The following SEZ6L2 variants were observed in gnomAD, a reference collection of about 807,000 sequenced individuals.
SEZ6L2 encodes seizure 6-like protein 2.
SEZ6L2 carries 44 observed loss-of-function variants against 97.0 expected under a neutral mutation model. The observed-to-expected ratio is 0.45, with a 90% CI of 0.36 to 0.58. The LOEUF (loss-of-function observed/expected upper bound fraction) is 0.58, where lower values mean the gene tolerates loss of function less well. SEZ6L2 is among the 20% of genes least tolerant of loss of function. The pLI is 0.00. For missense variants in SEZ6L2, 1,086 were observed against 1,233.3 expected, an observed-to-expected ratio of 0.88 and a Z score of 1.79; for synonymous variants, 543 against 546.1, an observed-to-expected ratio of 0.99 and a Z score of 0.08.
chr16:29,885,766 C>T lies in SEZ6L2; in HGVS notation c.1209-17G>A, dbSNP rs761036462. 2 of 1,586,492 alleles carry T rather than the reference C, an allele frequency of 1.3e-6. No homozygotes were observed. The highest frequency in any genetic ancestry group is 1.7e-5 in the Admixed American group (1 of 58,566). ...ACCATCAGCCTGGGATGGACAGAAA[C>T]GTGACCAGGAGCTCAATCTCCCTCA... On this transcript the variant is annotated splice_polypyrimidine_tract_variant and intron_variant, in intron 7 of 17. Coordinates refer to ENST00000617533, the MANE Select transcript of SEZ6L2 (RefSeq NM_001243332.2).
At chr16:29,892,950 C>T (rs563365374) in intron 5 of SEZ6L2, among the ~76,000 whole-genome samples, 18 of 152,332 alleles carry the variant, frequency 1.2e-4, no homozygotes, top group Admixed American at 7.2e-4. Context: ...TGCAGTCGTG[C>T]GTGAATACAG....
At chr16:29,878,217 GC>G in intron 10 of SEZ6L2, 69 bp downstream of exon 10, 2 of 1,459,134 alleles carry the variant, frequency 1.4e-6, no homozygotes, top group Non-Finnish European at 1.8e-6. Context: ...CAGAATGCAG[GC>G]TACTGCATTG....
In SEZ6L2 at chr16:29,898,104, T is replaced by A. The variant is rs993696404; in HGVS notation, c.80-120A>T. The A allele has an allele frequency of 2.8e-5, 40 of 1,444,832 alleles. No homozygotes were observed. In the African/African-American group the frequency reaches 5.6e-4, roughly 20 times the overall value. The allele number at this position is 1,444,832 out of a possible 1,614,324, so 89.5% of individuals were successfully genotyped here. A position where few individuals can be genotyped will look rare whatever the true frequency, so the allele number is the denominator to read the frequency against. On this transcript the variant is annotated intron_variant, in intron 1 of 17. Coordinates refer to ENST00000617533, the MANE Select transcript of SEZ6L2 (RefSeq NM_001243332.2). ...GCTGGGCCTGCAGGGGCTCAGATGG[T>A]CCCAGGCTCGACTGAGGGCCAAGAT...
In SEZ6L2 at chr16:29,873,931, G is replaced by A. The variant is rs561802611; in HGVS notation, c.2105-202C>T. On this transcript the variant is annotated intron_variant, in intron 12 of 17. Transcript: ENST00000617533. This position sits in a 1 kb window ranked among gnomAD's most constrained non-coding sequence, Gnocchi z 4.3. ...CGAGGCTGCAGTGAATGGTGACCAC[G>A]CTACTGCACTCCAGCCTGGGTGACA... Among the ~76,000 whole-genome samples the A allele has an allele frequency of 5.9e-4, 90 of 152,130 alleles. No individual in the cohort carries two copies. The highest frequency in any genetic ancestry group is 4.1e-4 in the South Asian group (2 of 4,822).
rs766640905 is a variant in SEZ6L2 at position 29,895,779 on chromosome 16, C to A, written c.593G>T (p.Gly198Val). The A allele has an allele frequency of 1.9e-6, 3 of 1,613,928 alleles. No homozygotes were observed. The highest frequency in any genetic ancestry group is 2.5e-6 in the Non-Finnish European group (3 of 1,180,010). The change falls in exon 4 of 18, where the codon GGG (glycine) becomes GTG (valine). Residue 198 changes from glycine (G) to valine (V), a missense_variant. Physicochemically the swap from Gly to Val is moderately radical, Grantham distance 109. Around this residue, in one of 2 missense-constraint regions of SEZ6L2, gnomAD observed 776 missense variants for 794.7 expected, o/e 0.98. Transcript: ENST00000617533. The stretch of plus-strand genomic sequence containing the variant: ...GATGCTGTAAGTGCAGTCCAGGAGC[C>A]CCAGGGTGCGGCTGACGGGGCTCCC... ...DLGSPVSRTL[G>V]LLDCTYSIHV...
intron 10 of SEZ6L2, among the ~76,000 whole-genome samples, chr16:29,877,840 G>A (rs2067943841): frequency 6.6e-6 from 1 of 152,202 alleles, no homozygotes; most frequent in Non-Finnish European, 1.5e-5. Flanking sequence ...GGCCCCGCCT[G>A]AGTACCTGCT....
chr16:29,890,865 C>T (rs547245190), intron 5 of SEZ6L2, among the ~76,000 whole-genome samples: 111 of 150,584 alleles, frequency 7.4e-4, no homozygotes, highest in Admixed American at 3.5e-3. Context: ...TCTCCTCCCT[C>T]AGCCTCCCAA....
chr16:29,872,568 G>T, intron 15 of SEZ6L2, 42 bp from the exon 16 acceptor site: 1 of 1,605,156 alleles, frequency 6.2e-7, no homozygotes, highest in African/African-American at 1.3e-5. Flanking sequence ...GCTGGGCCCG[G>T]TCCTGGGCTC....
At chr16:29,893,417 C>T (rs928101697) in intron 5 of SEZ6L2, among the ~76,000 whole-genome samples, 10 of 151,854 alleles carry the variant, frequency 6.6e-5, no homozygotes, top group African/African-American at 1.9e-4. Flanking sequence ...GAGGCCAAGG[C>T]GGGTGGATCA....
At chr16:29,877,555 T>C (rs1319184578) in intron 10 of SEZ6L2, 88 bp from the exon 11 acceptor site, 2 of 1,210,134 alleles carry the variant, frequency 1.7e-6, no homozygotes, top group Non-Finnish European at 2.3e-6. Context: ...TGCTCATTGG[T>C]AGCCCCTCCT....
Position 29,872,226 on chromosome 16 carries a change from G to A in SEZ6L2, c.2703C>T (p.Thr901=), listed in dbSNP as rs371601463. 147 of 1,611,882 alleles carry A rather than the reference G, an allele frequency of 9.1e-5. No individual in the cohort carries two copies. Among genetic ancestry groups the A allele is most frequent in the Non-Finnish European group, 1.1e-4 (135 of 1,179,100 alleles). The change falls in exon 17 of 18, where the codon ACC becomes ACT. Residue 901 remains threonine (T), a synonymous_variant. Coordinates refer to ENST00000617533, the MANE Select transcript of SEZ6L2 (RefSeq NM_001243332.2). ...FSGSHSYSPI[T]VESDFSNPLY... is the part of the protein sequence containing the mutation. ...GCGGGTTGCTGAAGTCCGACTCCAC[G>A]GTGATGGGGCTGTAGGAGTGGGAGC...
intron 14 of SEZ6L2, 59 bp from the exon 15 acceptor site, chr16:29,872,802 A>G: frequency 7.8e-7 from 1 of 1,276,370 alleles, no homozygotes; most frequent in Non-Finnish European, 1.1e-6. Flanking sequence ...GGAGGCTGGG[A>G]GGGGCCGGGA....
Position 29,887,737 on chromosome 16 carries a change from G to C in SEZ6L2, c.1120C>G (p.Leu374Val), listed in dbSNP as rs778358722. The C allele has an allele frequency of 4.3e-6, 7 of 1,613,562 alleles. No individual in the cohort carries two copies. The highest frequency in any genetic ancestry group is 4.2e-6 in the Non-Finnish European group (5 of 1,179,722). ...PEPGGAVGPN[L>V]TCRWVIEAAE... ...GCTTCAATGACCCAACGGCAGGTGA[G>C]GTTGGGCCCTACGGCTCCCCCAGGC... is the stretch of plus-strand genomic sequence containing the variant. Residue 374 changes from leucine (L) to valine (V), a missense_variant, in exon 7 of 18, where the codon CTC becomes GTC. Transcript: ENST00000617533.
At chr16:29,891,053 G>A (rs187346901) in intron 5 of SEZ6L2, among the ~76,000 whole-genome samples, 18 of 151,694 alleles carry the variant, frequency 1.2e-4, no homozygotes, top group African/African-American at 2.7e-4. Flanking sequence ...GCAATTCTCC[G>A]GCCTCAGCCT....
intron 8 of SEZ6L2, among the ~76,000 whole-genome samples, chr16:29,882,324 C>T (rs2068047140): frequency 6.6e-6 from 1 of 151,952 alleles, no homozygotes; most frequent in Admixed American, 6.6e-5. Context: ...CACCTGTAAT[C>T]CCCCCACTTT....
Position 29,872,395 on chromosome 16 carries a change from A to G in SEZ6L2, c.2645+14T>C, listed in dbSNP as rs200534120. The G allele has an allele frequency of 1.7e-5, 28 of 1,612,942 alleles. No homozygotes were observed. In the East Asian group the frequency reaches 4.7e-4, roughly 27 times the overall value. On this transcript the variant is annotated intron_variant, in intron 16 of 17. Transcript: ENST00000617533. ...CGTCTGCCCTGGCCGGCAGTCCCCAAGCAGGCTACTTACTTGGTGTAGTAG... is the reference window on the plus strand; with the variant it reads ...CGTCTGCCCTGGCCGGCAGTCCCCAGGCAGGCTACTTACTTGGTGTAGTAG...
intron 11 of SEZ6L2, 138 bp downstream of exon 11, chr16:29,877,133 C>T (rs532846910): frequency 1.8e-6 from 2 of 1,127,424 alleles, no homozygotes; most frequent in African/African-American, 3.2e-5. Flanking sequence ...CAGCCTCAAC[C>T]TCCTGGCTTC....
rs376198309 is a variant in SEZ6L2, at chr16:29,877,323, C to A, written c.1857G>T (p.Pro619=). The part of the protein sequence containing the change: ...GPDLTLQFQA[P]PGPPNPGLGQ... ...CCAGGCCTGGATTTGGGGGCCCGGG[C>A]GGTGCCTGAAACTGCAGTGTGAGGT... The change falls in exon 11 of 18, where the codon CCG becomes CCT. Residue 619 remains proline, a synonymous_variant. Transcript: ENST00000617533. The A allele has an allele frequency of 1.1e-5, 18 of 1,611,338 alleles. No individual in the cohort carries two copies. The South Asian group carries it at 1.7e-4, about 15-fold the overall frequency.
At position 29,877,527 on chromosome 16, in the gene SEZ6L2, C is replaced by G. The variant is rs932961863; in HGVS notation, c.1713-60G>C. Reference sequence around the variant, plus strand: ...TGCGACTGGCCCCTCCCATCCAGCTCTGCCCCATCCTCAACTCTGCTCATT... The same window carrying G: ...TGCGACTGGCCCCTCCCATCCAGCTGTGCCCCATCCTCAACTCTGCTCATT... On this transcript the variant is annotated intron_variant, in intron 10 of 17. Transcript: ENST00000617533. 110 of 1,444,522 alleles carry G rather than the reference C, an allele frequency of 7.6e-5. No individual in the cohort carries two copies. In the African/African-American group the frequency reaches 1.5e-3, roughly 19 times the overall value. The allele number at this position is 1,444,522 out of a possible 1,614,324, so 89.5% of individuals were successfully genotyped here.
Sources: gnomAD v4.1 joint callset for allele counts (sites outside exome capture counted in the v4.1 genomes callset) on GRCh38, gnomAD v4.1.1 for gene constraint, gnomAD v4.1.1 regional missense constraint, Gnocchi (gnomAD v3.1) non-coding constraint, MANE v1.5 for transcripts, NCBI Gene and HGNC (gene_info 2026-07-23, HGNC 2026-07-21) for gene names.